Variants in FBXO31 observed in about 807,000 individuals in gnomAD.
FBXO31 encodes F-box protein 31.
Under a neutral mutation model 54.4 loss-of-function variants are expected in FBXO31, and 24 were observed. The observed-to-expected ratio is 0.44, with a 90% CI of 0.32 to 0.62. The LOEUF is 0.62. FBXO31 is among the 20% of genes least tolerant of loss of function. FBXO31 has a pLI of 0.05. For missense variants in FBXO31, 665 were observed against 787.1 expected (o/e 0.84, Z 1.86); for synonymous variants, 388 against 335.6 (o/e 1.16, Z -1.71).
At position 87,352,470 on chromosome 16, in the gene FBXO31, A is replaced by G. The variant is rs191359330; in HGVS notation, c.413-5220T>C. On this transcript the variant is annotated intron_variant, in intron 2 of 8. Coordinates refer to ENST00000311635, the MANE Select transcript of FBXO31 (RefSeq NM_024735.5). ...AACATAACCAAAAAAAAAATTGTTA[A>G]TATCTGGGTAAAGGCTAAAACGAAA... 1.2e-4 allele frequency among the ~76,000 whole-genome samples: 18 copies of G among 152,318 alleles called. No individual in the cohort carries two copies. The East Asian group carries it at 1.4e-3, about 11-fold the overall frequency.
chr16:87,379,229 A>T (rs1906965222), intron 1 of FBXO31, among the ~76,000 whole-genome samples: 1 of 152,220 alleles, frequency 6.6e-6, no homozygotes, highest in East Asian at 1.9e-4. Context: ...CCCAGGTTCA[A>T]GCAATTCTCT....
In FBXO31 at chr16:87,336,607, G is replaced by A. The variant is rs1012023472; in HGVS notation, c.733-343C>T. On this transcript the variant is annotated intron_variant, in intron 5 of 8. Transcript: ENST00000311635. The surrounding 1 kb of genome is among the most constrained non-coding windows in gnomAD (Gnocchi z 6.5). ...CCCTTCCATGCCCACCGGTGGGGCA[G>A]GAACAGCATCTACACAGACTCTGGC... 6.6e-6 allele frequency among the ~76,000 whole-genome samples: 1 copy of A among 151,536 alleles called. No homozygotes were observed. The highest frequency in any genetic ancestry group is 6.6e-5 in the Admixed American group (1 of 15,228).
At chr16:87,343,568 G>A in intron 4 of FBXO31, 30 bp downstream of exon 4, 1 of 1,568,262 alleles carries the variant, frequency 6.4e-7, no homozygotes, top group Non-Finnish European at 8.6e-7. Flanking sequence ...CCCTGGGACA[G>A]TGAGGACCCA....
At chr16:87,377,827 T>A (rs1906890003) in intron 1 of FBXO31, among the ~76,000 whole-genome samples, 1 of 146,240 alleles carries the variant, frequency 6.8e-6, no homozygotes, top group African/African-American at 2.5e-5. Context: ...AGACCCAGTC[T>A]CAAAAAAAAA....
At chr16:87,365,006 C>CA (rs1906291850) in intron 1 of FBXO31, among the ~76,000 whole-genome samples, 3 of 16,818 alleles carry the variant, frequency 1.8e-4, no homozygotes, top group South Asian at 5.7e-3. Flanking sequence ...GACCCCGTCT[C>CA]TTAAATATAT....
At position 87,346,904 on chromosome 16, in the gene FBXO31, C is replaced by T. The variant is rs938329036; in HGVS notation, c.489+270G>A. On this transcript the variant is annotated intron_variant, in intron 3 of 8. Transcript: ENST00000311635. The surrounding 1 kb of genome is among the most constrained non-coding windows in gnomAD (Gnocchi z 4.2). The stretch of plus-strand genomic sequence containing the variant: ...ACATGTGCGCGATGGGCCTCAGCGT[C>T]CAGGAAGCAAAGGCCCTCACAAGCC... Among the ~76,000 whole-genome samples the T allele has an allele frequency of 2.6e-5, 4 of 152,208 alleles. No individual in the cohort carries two copies. The highest frequency in any genetic ancestry group is 9.7e-5 in the African/African-American group (4 of 41,450).
At chr16:87,379,191 T>C (rs1567490310) in intron 1 of FBXO31, among the ~76,000 whole-genome samples, 1 of 152,090 alleles carries the variant, frequency 6.6e-6, no homozygotes, top group East Asian at 1.9e-4. Flanking sequence ...ATGGCATGCA[T>C]GATCTTGGCT....
chr16:87,355,629 C>T (rs575910936), intron 2 of FBXO31, among the ~76,000 whole-genome samples: 2 of 152,314 alleles, frequency 1.3e-5, no homozygotes, highest in African/African-American at 4.8e-5. Context: ...GACACTCAAA[C>T]TTCAGCATGA....
At position 87,336,231 on chromosome 16, in the gene FBXO31, G is replaced by A. The variant is rs780787584; in HGVS notation, c.766C>T (p.Arg256Cys). The stretch of plus-strand genomic sequence containing the variant: ...TCGTGGAAGATGTCCTCCAGCGTGC[G>A]CCCCCATTCCTCCCTCAGCCACGTC... Reference protein sequence around the residue: ...FRTWLREEWGRTLEDIFHEHM... With the variant: ...FRTWLREEWGCTLEDIFHEHM... The change falls in exon 6 of 9, where the codon CGC becomes TGC. Residue 256 changes from arginine (R) to cysteine (C), a missense_variant. Physicochemically the swap from Arg to Cys is radical, Grantham distance 180. Coordinates refer to ENST00000311635, the MANE Select transcript of FBXO31 (RefSeq NM_024735.5). This position sits in a 1 kb window ranked among gnomAD's most constrained non-coding sequence, Gnocchi z 6.5. The A allele has an allele frequency of 1.9e-6, 3 of 1,614,118 alleles. No individual in the cohort carries two copies. Among genetic ancestry groups the A allele is most frequent in the Non-Finnish European group, 2.5e-6 (3 of 1,180,008 alleles).
At chr16:87,357,233 G>A (rs542419719) in intron 2 of FBXO31, among the ~76,000 whole-genome samples, 44 of 149,772 alleles carry the variant, frequency 2.9e-4, no homozygotes, top group African/African-American at 1.1e-3. Flanking sequence ...CAACAAGACA[G>A]ACCCTGTCTC....
chr16:87,391,299 C>T (rs1008053752), upstream of FBXO31, among the ~76,000 whole-genome samples: 20 of 152,240 alleles, frequency 1.3e-4, no homozygotes, highest in African/African-American at 3.4e-4. Context: ...AGAGCAAGAC[C>T]CTGTCTCAAA....
intron 2 of FBXO31, among the ~76,000 whole-genome samples, chr16:87,351,158 G>A (rs1016173874): frequency 7.9e-5 from 12 of 152,180 alleles, no homozygotes; most frequent in Non-Finnish European, 1.5e-4. Context: ...CTGAGAACAC[G>A]CACTTTAAAA....
At chr16:87,371,740 T>C (rs550878976) in intron 1 of FBXO31, among the ~76,000 whole-genome samples, 39 of 152,356 alleles carry the variant, frequency 2.6e-4, no homozygotes, top group Admixed American at 3.9e-4. Flanking sequence ...CATTACGTCA[T>C]TGCATTACAA....
chr16:87,331,182 G>A lies in FBXO31; in HGVS notation c.*106C>T, dbSNP rs926245523. 25 of 1,147,318 alleles carry A rather than the reference G, an allele frequency of 2.2e-5. No homozygotes were observed. The highest frequency in any genetic ancestry group is 2.1e-5 in the Non-Finnish European group (17 of 792,002). The allele number at this position is 1,147,318 out of a possible 1,614,324, so 71.1% of individuals were successfully genotyped here. ...GACTGGGCCCCCCGACGAGGTGTGC[G>A]TTCTGGTCAAAAGGCCGGATTTCCA... On this transcript the variant is annotated 3_prime_UTR_variant, in exon 9 of 9. Coordinates refer to ENST00000311635, the MANE Select transcript of FBXO31 (RefSeq NM_024735.5).
chr16:87,334,029 C>T lies in FBXO31; in HGVS notation c.1254G>A (p.Gly418=). The change falls in exon 8 of 9, where the codon GGG becomes GGA. Residue 418 remains glycine, a synonymous_variant. Coordinates refer to ENST00000311635, the MANE Select transcript of FBXO31 (RefSeq NM_024735.5). ...GCTCGCCACCATCCTCACCAGGTGT[C>T]CCATCTGGGCCCTTGCTGGGCGCCT... ...RAEAPSKGPD[G]TPGEDGGEPG... is the part of the protein sequence containing the mutation. 1.2e-6 allele frequency: 2 copies of T among 1,612,722 alleles called. No individual in the cohort carries two copies. Among genetic ancestry groups the T allele is most frequent in the Non-Finnish European group, 1.7e-6 (2 of 1,179,748 alleles).
At position 87,343,590 on chromosome 16, in the gene FBXO31, G is replaced by A; in HGVS notation, c.657+8C>T. 2 of 1,600,488 alleles carry A rather than the reference G, an allele frequency of 1.2e-6. No homozygotes were observed. Among genetic ancestry groups the A allele is most frequent in the Non-Finnish European group, 1.7e-6 (2 of 1,173,764 alleles). On this transcript the variant is annotated splice_region_variant and intron_variant, in intron 4 of 8. Coordinates refer to ENST00000311635, the MANE Select transcript of FBXO31 (RefSeq NM_024735.5). ...ACAGTGAGGACCCAGCCCCGCCGCT[G>A]CACACACCTGGATGTGGCCGTGGTG...
chr16:87,339,045 T>G (rs573090941), intron 5 of FBXO31, among the ~76,000 whole-genome samples: 4 of 152,342 alleles, frequency 2.6e-5, no homozygotes, highest in African/African-American at 7.2e-5. Context: ...CCTTCCACCA[T>G]GATTTGAGGC....
rs1175658978 is a variant in FBXO31 at position 87,383,311 on chromosome 16, G to A, written c.340+94C>T. 9.1e-6 allele frequency: 11 copies of A among 1,210,714 alleles called. 1 individual carries two copies. Among genetic ancestry groups the A allele is most frequent in the South Asian group, 8.2e-5 (5 of 60,748 alleles). 75.0% of individuals were successfully genotyped at this position (1,210,714 alleles called of 1,614,324 possible). A position where few individuals can be genotyped will look rare whatever the true frequency, so the allele number is the denominator to read the frequency against. On this transcript the variant is annotated intron_variant, in intron 1 of 8. Transcript: ENST00000311635. This position sits in a 1 kb window ranked among gnomAD's most constrained non-coding sequence, Gnocchi z 4.9. ...CCCCGCGCCCAACTGGTGGCCCCCG[G>A]CCGGGGCCACCGCCCCCGCCACTCC...
Position 87,336,071 on chromosome 16 carries a change from GCCCCAGCACCCACCGGGACAGGGCTGGT to G in FBXO31, c.842+56_842+83del. 1 of 1,148,152 alleles carries G rather than the reference GCCCCAGCACCCACCGGGACAGGGCTGGT, an allele frequency of 8.7e-7. No individual in the cohort carries two copies. The highest frequency in any genetic ancestry group is 1.3e-6 in the Non-Finnish European group (1 of 785,260). The allele number at this position is 1,148,152 out of a possible 1,614,324, so 71.1% of individuals were successfully genotyped here. A position where few individuals can be genotyped will look rare whatever the true frequency, so the allele number is the denominator to read the frequency against. On this transcript the variant is annotated intron_variant, in intron 6 of 8. Coordinates refer to ENST00000311635, the MANE Select transcript of FBXO31 (RefSeq NM_024735.5). The surrounding 1 kb of genome is among the most constrained non-coding windows in gnomAD (Gnocchi z 6.5). Reference sequence around the variant, plus strand: ...AGCACCCACTGAGACAAAGGACTATGCCCCAGCACCCACCGGGACAGGGCTGGTCCCCAGCACACACCAGGAGAGGGCT... The same window carrying G: ...AGCACCCACTGAGACAAAGGACTATGCCCCAGCACACACCAGGAGAGGGCT...
Sources: allele counts gnomAD v4.1 joint callset (sites outside exome capture counted in the v4.1 genomes callset), GRCh38; gene constraint gnomAD v4.1.1; non-coding constraint Gnocchi (gnomAD v3.1); transcripts MANE v1.5; gene names NCBI Gene and HGNC (gene_info 2026-07-23, HGNC 2026-07-21).